The following RIF1 variants were observed in gnomAD, a reference collection of about 807,000 sequenced individuals.
RIF1 encodes telomere-associated protein RIF1.
Under a neutral mutation model 247.1 loss-of-function variants are expected in RIF1, and 45 were observed. The ratio of observed to expected loss-of-function variants is 0.18; its 90% CI spans 0.14 to 0.23. The LOEUF is 0.23. Among genes scored for constraint, RIF1 ranks in the 10% least tolerant of loss-of-function variants. RIF1 has a pLI of 1.00. For synonymous variants in RIF1, 1,087 were observed against 978.8 expected (o/e 1.11, Z -2.06); for missense variants, 2,967 against 2,862.5 (o/e 1.04, Z -0.83).
At chr2:151,516,451 T>G in the RIF1 span, 1 of 1,593,544 alleles carries the variant, frequency 6.3e-7, no homozygotes, top group East Asian at 2.2e-5. Flanking sequence ...GTGGTTTTTT[T>G]GACTTACCCC....
chr2:151,429,364 A>G (rs1373406577), intron 9 of RIF1, among the ~76,000 whole-genome samples: 1 of 152,066 alleles, frequency 6.6e-6, no homozygotes, highest in East Asian at 1.9e-4. Context: ...CATTTTTAGT[A>G]GAGACAGGGT....
intron 10 of RIF1, chr2:151,499,221 T>C (rs2062597087): frequency 2.6e-6 from 2 of 769,448 alleles, no homozygotes; most frequent in Non-Finnish European, 4.1e-6. Flanking sequence ...ATGAGTTGAT[T>C]AGATTTTTAA....
chr2:151,413,292 C>T (rs1049340962), intron 3 of RIF1, among the ~76,000 whole-genome samples: 1 of 152,078 alleles, frequency 6.6e-6, no homozygotes, highest in African/African-American at 2.4e-5. Flanking sequence ...CTTGGCCTCC[C>T]AAAGTAAGCC....
chr2:151,467,575 C>T (rs1298218368), intron 30 of RIF1, among the ~76,000 whole-genome samples: 1 of 152,090 alleles, frequency 6.6e-6, no homozygotes, highest in African/African-American at 2.4e-5. Flanking sequence ...GAACTCCTGA[C>T]CTCGAGATCC....
At chr2:151,448,545 G>A (rs1236414992) in intron 20 of RIF1, among the ~76,000 whole-genome samples, 36 of 152,098 alleles carry the variant, frequency 2.4e-4, no homozygotes, top group Non-Finnish European at 4.4e-5. Context: ...ATGTAAATCA[G>A]ATCTTGTCAC....
At chr2:151,494,324 A>T in intron 9 of RIF1, 1 of 1,049,366 alleles carries the variant, frequency 9.5e-7, no homozygotes. Context: ...AGGAAATGGT[A>T]CAGATAACTT....
intron 20 of RIF1, among the ~76,000 whole-genome samples, chr2:151,447,528 C>T (rs893098482): frequency 6.6e-6 from 1 of 152,052 alleles, no homozygotes; most frequent in African/African-American, 2.4e-5. Context: ...TGTACCATTA[C>T]TTGGAATTCT....
At chr2:151,497,520 A>G in intron 10 of RIF1, 1 of 1,500,036 alleles carries the variant, frequency 6.7e-7, no homozygotes, top group Non-Finnish European at 8.9e-7. Flanking sequence ...GAAATTCACA[A>G]AATTTAAGTT....
chr2:151,512,894 G>A, downstream of RIF1: 4 of 1,202,718 alleles, frequency 3.3e-6, no homozygotes, highest in South Asian at 5.2e-5. Flanking sequence ...AACAGTTGTT[G>A]GCTTGATTTG....
intron 12 of RIF1, among the ~76,000 whole-genome samples, chr2:151,503,839 T>A (rs1483973512): frequency 6.6e-6 from 1 of 152,198 alleles, no homozygotes; most frequent in African/African-American, 2.4e-5. Flanking sequence ...GGATACTCTA[T>A]TCCTTCAGGC....
At chr2:151,498,100 C>T (rs1298731296) in intron 10 of RIF1, 1 of 1,478,546 alleles carries the variant, frequency 6.8e-7, no homozygotes, top group Non-Finnish European at 9.0e-7. Context: ...AAAAAATTGA[C>T]ATTAACTGTA....
the RIF1 span, among the ~76,000 whole-genome samples, chr2:151,525,504 T>C: frequency 1.3e-5 from 2 of 152,198 alleles, no homozygotes; most frequent in Admixed American, 1.3e-4. Context: ...TTAAGCTCTT[T>C]TATTTACTAT....
In RIF1 at chr2:151,434,586, G is replaced by A. The variant is rs539301310; in HGVS notation, c.1078-877G>A. 1.3e-4 allele frequency among the ~76,000 whole-genome samples: 19 copies of A among 151,710 alleles called. No homozygotes were observed. The East Asian group carries it at 2.0e-3, about 16-fold the overall frequency. On this transcript the variant is annotated intron_variant, in intron 10 of 35. Coordinates refer to ENST00000444746, the MANE Select transcript of RIF1 (RefSeq NM_018151.5). ...CTCCTGAGTAGCTGGGACTACAGGCGCCCGCCACCACGCCCAGCTAATTTT... is the reference window on the plus strand; with the variant it reads ...CTCCTGAGTAGCTGGGACTACAGGCACCCGCCACCACGCCCAGCTAATTTT...
At chr2:151,427,154 G>A (rs907818895) in intron 8 of RIF1, among the ~76,000 whole-genome samples, 2 of 151,226 alleles carry the variant, frequency 1.3e-5, no homozygotes, top group African/African-American at 4.9e-5. Context: ...TCGTGTTGAT[G>A]TAATTTTTTA....
At chr2:151,448,184 C>T (rs1693649551) in intron 20 of RIF1, among the ~76,000 whole-genome samples, 1 of 151,822 alleles carries the variant, frequency 6.6e-6, no homozygotes. Context: ...GCTGGGACTA[C>T]AGGTGTGCAC....
chr2:151,452,859 C>G (rs1389790844), intron 21 of RIF1, among the ~76,000 whole-genome samples: 1 of 152,182 alleles, frequency 6.6e-6, no homozygotes, highest in Non-Finnish European at 1.5e-5. Flanking sequence ...AACCGAATAT[C>G]CAATTCAGGA....
intron 24 of RIF1, 41 bp from the exon 25 acceptor site, chr2:151,458,770 C>T (rs2152474750): frequency 8.7e-7 from 1 of 1,153,406 alleles, no homozygotes; most frequent in South Asian, 1.3e-5. Flanking sequence ...TTCACCAGTA[C>T]TACTTGACTT....
rs1004489056 is a variant in RIF1, at chr2:151,423,173, A to T, written c.786+131A>T. 7 of 602,456 alleles carry T rather than the reference A, an allele frequency of 1.2e-5. No homozygotes were observed. In the Admixed American group the frequency reaches 1.5e-4, roughly 13 times the overall value. The allele number at this position is 602,456 out of a possible 1,614,324, so 37.3% of individuals were successfully genotyped here. A position where few individuals can be genotyped will look rare whatever the true frequency, so the allele number is the denominator to read the frequency against. On this transcript the variant is annotated intron_variant, in intron 8 of 35. Transcript: ENST00000444746. ...GATGCTCATTATTTCATGCCTACTC[A>T]CTAAAATTTATTTGTAAATCTGAAA...
At chr2:151,446,305 G>GTA in intron 19 of RIF1, 121 bp from the exon 20 acceptor site, 2 of 944,540 alleles carry the variant, frequency 2.1e-6, no homozygotes, top group Non-Finnish European at 3.2e-6. Context: ...GGCCGTTAGT[G>GTA]TCTTTTTTGA....
Sources: allele counts gnomAD v4.1 joint callset (sites outside exome capture counted in the v4.1 genomes callset), GRCh38; gene constraint gnomAD v4.1.1; transcripts MANE v1.5; gene names NCBI Gene and HGNC (gene_info 2026-07-23, HGNC 2026-07-21).